The following ATG10 variants were observed in gnomAD, a reference collection of about 807,000 sequenced individuals.
The protein encoded by ATG10 is ubiquitin-like-conjugating enzyme ATG10.
Under a neutral mutation model 32.1 loss-of-function variants are expected in ATG10, and 30 were observed. The observed-to-expected ratio is 0.94, with a 90% CI of 0.70 to 1.27. The LOEUF is 1.27. Ranked by LOEUF, ATG10 falls within the 50% of genes most tolerant of loss-of-function variation. The pLI is 0.00. For missense variants in ATG10, 233 were observed against 262.3 expected (o/e 0.89, Z 0.77); for synonymous variants, 87 against 91.5 (o/e 0.95, Z 0.28).
intron 3 of ATG10, among the ~76,000 whole-genome samples, chr5:82,131,988 A>G (rs935041813): frequency 2.0e-5 from 3 of 152,036 alleles, no homozygotes; most frequent in African/African-American, 7.2e-5. Context: ...GGGAAATGCC[A>G]CACATTTAAC....
At chr5:82,049,148 C>G (rs1381453918) in intron 2 of ATG10, among the ~76,000 whole-genome samples, 2 of 151,310 alleles carry the variant, frequency 1.3e-5, no homozygotes, top group African/African-American at 4.9e-5. Flanking sequence ...GGAACCAACC[C>G]AAATGTCCAA....
chr5:81,975,102 T>A (rs1162886961), intron 1 of ATG10, among the ~76,000 whole-genome samples: 2 of 152,178 alleles, frequency 1.3e-5, no homozygotes, highest in Non-Finnish European at 2.9e-5. Flanking sequence ...ATAAAGAAAA[T>A]CCTAGTAATT....
intron 3 of ATG10, among the ~76,000 whole-genome samples, chr5:82,138,365 C>G (rs554339039): frequency 2.2e-4 from 33 of 152,356 alleles, no homozygotes; most frequent in Admixed American, 3.3e-4. Flanking sequence ...CGTAGGCACT[C>G]AAGCGAGTCT....
intron 5 of ATG10, among the ~76,000 whole-genome samples, chr5:82,205,294 A>ATAT (rs1745248141): frequency 6.6e-6 from 1 of 152,214 alleles, no homozygotes; most frequent in African/African-American, 2.4e-5. Context: ...CAGAGAATAA[A>ATAT]TATTTTTTTT....
intron 3 of ATG10, among the ~76,000 whole-genome samples, chr5:82,161,450 T>C (rs1016219424): frequency 5.3e-5 from 8 of 152,084 alleles, no homozygotes; most frequent in East Asian, 1.9e-4. Flanking sequence ...CTATGCCTAA[T>C]TGATCACCAG....
intron 3 of ATG10, among the ~76,000 whole-genome samples, chr5:82,097,756 A>G (rs1765118072): frequency 6.6e-6 from 1 of 152,306 alleles, no homozygotes; most frequent in Non-Finnish European, 1.5e-5. Flanking sequence ...TATTGGTCAA[A>G]AAACCAAAGC....
chr5:82,108,390 A>G (rs2149811315), intron 3 of ATG10, among the ~76,000 whole-genome samples: 1 of 152,058 alleles, frequency 6.6e-6, no homozygotes, highest in East Asian at 1.9e-4. Flanking sequence ...ATGTGCATAT[A>G]TATACACACA....
chr5:82,189,680 G>A (rs552776921), intron 5 of ATG10, among the ~76,000 whole-genome samples: 1 of 152,180 alleles, frequency 6.6e-6, no homozygotes, highest in East Asian at 1.9e-4. Context: ...CTGGAGTGCA[G>A]TGGCACAATC....
intron 1 of ATG10, among the ~76,000 whole-genome samples, chr5:81,983,244 C>G (rs1421954204): frequency 2.0e-5 from 3 of 149,922 alleles, no homozygotes; most frequent in Admixed American, 1.3e-4. Context: ...GACCCCCCCC[C>G]CCACCTCCCT....
chr5:81,993,360 C>CTTTCTTTCCTTCTTTCTTTTCTTTTCTT, intron 2 of ATG10, among the ~76,000 whole-genome samples: 15 of 46,798 alleles, frequency 3.2e-4, no homozygotes, highest in Admixed American at 1.3e-3. Context: ...TCTTTCTTTC[C>CTTTCTTTCCTTCTTTCTTTTCTTTTCTT]TTCTTTTCTT....
intron 1 of ATG10, among the ~76,000 whole-genome samples, chr5:81,984,628 G>A (rs996210585): frequency 5.3e-5 from 8 of 152,144 alleles, no homozygotes; most frequent in African/African-American, 1.9e-4. Context: ...TGCCATTATT[G>A]CTCAATAAGC....
intron 2 of ATG10, among the ~76,000 whole-genome samples, chr5:81,998,103 G>T (rs1241535982): frequency 6.6e-6 from 1 of 152,098 alleles, no homozygotes; most frequent in Non-Finnish European, 1.5e-5. Context: ...CCCCAAGGTT[G>T]AAATGAAAGA....
At chr5:82,082,375 A>C (rs1053659036) in intron 3 of ATG10, among the ~76,000 whole-genome samples, 4 of 152,194 alleles carry the variant, frequency 2.6e-5, no homozygotes, top group African/African-American at 9.7e-5. Context: ...AAATACCTAA[A>C]CACCTACTTT....
intron 2 of ATG10, among the ~76,000 whole-genome samples, chr5:82,043,079 G>A (rs962948808): frequency 6.6e-6 from 1 of 152,188 alleles, no homozygotes; most frequent in African/African-American, 2.4e-5. Flanking sequence ...CTCCATGAGG[G>A]CTCCACCCCT....
intron 3 of ATG10, among the ~76,000 whole-genome samples, chr5:82,116,020 G>A (rs1192063780): frequency 6.6e-6 from 1 of 152,066 alleles, no homozygotes; most frequent in Admixed American, 6.6e-5. Flanking sequence ...ATTCTTACTG[G>A]GAGATGGCTA....
At chr5:82,165,765 G>A (rs181457657) in intron 4 of ATG10, among the ~76,000 whole-genome samples, 39 of 152,286 alleles carry the variant, frequency 2.6e-4, no homozygotes, top group Admixed American at 9.8e-4. Flanking sequence ...TCAGTGAGCT[G>A]TGCTATACTA....
intron 2 of ATG10, among the ~76,000 whole-genome samples, chr5:82,004,316 T>G (rs192308139): frequency 6.6e-6 from 1 of 152,170 alleles, no homozygotes; most frequent in South Asian, 2.1e-4. Flanking sequence ...TTACTAAAAA[T>G]GGGGGAACCA....
chr5:81,980,122 TTCCTTC>T (rs1760994543), intron 1 of ATG10, among the ~76,000 whole-genome samples: 1 of 152,176 alleles, frequency 6.6e-6, no homozygotes, highest in South Asian at 2.1e-4. Context: ...GTGTTTGAAT[TTCCTTC>T]CAGTTTTTTC....
chr5:82,031,774 G>T (rs1271138141), intron 2 of ATG10, among the ~76,000 whole-genome samples: 1 of 152,246 alleles, frequency 6.6e-6, no homozygotes, highest in Non-Finnish European at 1.5e-5. Flanking sequence ...TCTGCATAAA[G>T]CACACTCTTG....
Sources: allele counts gnomAD v4.1 joint callset (sites outside exome capture counted in the v4.1 genomes callset), GRCh38; gene constraint gnomAD v4.1.1; transcripts MANE v1.5; gene names NCBI Gene and HGNC (gene_info 2026-07-23, HGNC 2026-07-21).